CFAP97: variants seen among roughly 807,000 people sequenced by gnomAD.
CFAP97 encodes cilia and flagella associated protein 97, also known as cilia- and flagella-associated protein 97.
In CFAP97, 36 loss-of-function variants were observed where a neutral mutation model predicts 43.1. The ratio of observed to expected loss-of-function variants is 0.84; its 90% CI spans 0.64 to 1.10. The LOEUF is 1.10. CFAP97 is among the 50% of genes least tolerant of loss of function. The probability of loss-of-function intolerance (pLI) is 0.00; values close to 1 mark genes in which losing one functional copy is unlikely to be tolerated. For synonymous variants in CFAP97, 228 were observed against 225.7 expected (o/e 1.01, Z -0.09); for missense variants, 657 against 620.3 (o/e 1.06, Z -0.63).
At chr4:185,207,053 G>A (rs1737217443), upstream of CFAP97, among the ~76,000 whole-genome samples, 1 of 152,124 alleles carries the variant, frequency 6.6e-6, no homozygotes, top group Non-Finnish European at 1.5e-5. Flanking sequence ...CTGGGCCACA[G>A]CTGATTGGAC....
chr4:185,188,437 G>A (rs149496713), intron 2 of CFAP97, among the ~76,000 whole-genome samples: 13 of 151,666 alleles, frequency 8.6e-5, no homozygotes, highest in African/African-American at 2.9e-4. Flanking sequence ...CCGCCTCCCA[G>A]GCTCAAGCAA....
At position 185,160,660 on chromosome 4, in the gene CFAP97, A is replaced by C. The variant is rs1734842701; in HGVS notation, c.*2138T>G. 1 of 116,432 alleles carries C rather than the reference A, an allele frequency of 8.6e-6. No individual in the cohort carries two copies. Among genetic ancestry groups the C allele is most frequent in the Non-Finnish European group, 1.9e-5 (1 of 53,028 alleles). 7.2% of individuals were successfully genotyped at this position (116,432 alleles called of 1,614,324 possible). ...CCTGTTATCAGTAATACTTAGATGA[A>C]CCTCCCCTTTCAAAGTAGTAAAAAC... is the stretch of plus-strand genomic sequence containing the variant. On this transcript the variant is annotated 3_prime_UTR_variant, in exon 5 of 5. Transcript: ENST00000458385.
chr4:185,172,872 G>C (rs1290542942), intron 3 of CFAP97, among the ~76,000 whole-genome samples: 1 of 129,244 alleles, frequency 7.7e-6, no homozygotes, highest in Non-Finnish European at 1.6e-5. Context: ...AAAAAAAAAA[G>C]CATTGGCTCA....
intron 1 of CFAP97, among the ~76,000 whole-genome samples, chr4:185,198,789 C>CAAAA (rs58603330): frequency 8.0e-6 from 1 of 124,320 alleles, no homozygotes; most frequent in African/African-American, 2.9e-5. Context: ...AACTCCATCT[C>CAAAA]AAAAAAAAGA....
Position 185,190,875 on chromosome 4 carries a change from T to C in CFAP97, c.322A>G (p.Thr108Ala), listed in dbSNP as rs776499709. ...SRSKKLCDVTTGLKIHVSIPN... is the reference protein window; with the variant it reads ...SRSKKLCDVTAGLKIHVSIPN... ...ATGGACACGTGTATTTTAAGTCCTG[T>C]TGTAACATCACACAATTTTTTTGAT... The change falls in exon 2 of 5, where the codon ACA becomes GCA. Residue 108 changes from threonine (T) to alanine (A), a missense_variant. Physicochemically the swap from Thr to Ala is moderately conservative, Grantham distance 58. Transcript: ENST00000458385. The C allele has an allele frequency of 6.2e-7, 1 of 1,612,786 alleles. No homozygotes were observed. The highest frequency in any genetic ancestry group is 8.5e-7 in the Non-Finnish European group (1 of 1,179,284).
intron 1 of CFAP97, among the ~76,000 whole-genome samples, chr4:185,196,983 C>T (rs1459575672): frequency 1.3e-5 from 2 of 151,654 alleles, no homozygotes; most frequent in East Asian, 3.9e-4. Flanking sequence ...CCTGTAATCC[C>T]AGCTACTCAA....
At chr4:185,178,596 T>C (rs769395046) in intron 2 of CFAP97, among the ~76,000 whole-genome samples, 9 of 152,120 alleles carry the variant, frequency 5.9e-5, no homozygotes, top group Non-Finnish European at 1.0e-4. Context: ...TCTAGGATGA[T>C]GGAAATGTTC....
chr4:185,178,226 C>T (rs1579241815), intron 2 of CFAP97, among the ~76,000 whole-genome samples: 1 of 149,166 alleles, frequency 6.7e-6, no homozygotes, highest in African/African-American at 2.5e-5. Flanking sequence ...CTATTTTCCC[C>T]TAACGGTTTT....
At chr4:185,204,182 C>T (rs1178768568), upstream of CFAP97, 1 of 152,126 alleles carries the variant, frequency 6.6e-6, no homozygotes, top group Non-Finnish European at 1.5e-5. Flanking sequence ...AGAAGAGCCG[C>T]GGAAGAAGGC....
chr4:185,208,715 C>G (rs533915341), upstream of CFAP97, among the ~76,000 whole-genome samples: 11 of 151,354 alleles, frequency 7.3e-5, no homozygotes, highest in Admixed American at 3.9e-4. Context: ...GCAACAGAGA[C>G]TCCGTCTCAA....
chr4:185,200,469 G>A (rs148085237), intron 1 of CFAP97, among the ~76,000 whole-genome samples: 4,521 of 152,234 alleles, frequency 0.03, 100 homozygotes, highest in Middle Eastern at 0.071. Context: ...GTGAATCTCC[G>A]TCTCTACTAA....
At chr4:185,190,110 A>T in intron 2 of CFAP97, 33 bp downstream of exon 2, 1 of 1,469,218 alleles carries the variant, frequency 6.8e-7, no homozygotes, top group Non-Finnish European at 9.2e-7. Flanking sequence ...TATAATATTT[A>T]AACACACATT....
chr4:185,175,865 G>T lies in CFAP97; in HGVS notation c.1241C>A (p.Ser414Ter), dbSNP rs764958265. 6.2e-7 allele frequency: 1 copy of T among 1,613,814 alleles called. No individual in the cohort carries two copies. Among genetic ancestry groups the T allele is most frequent in the South Asian group, 1.1e-5 (1 of 91,064 alleles). The change falls in exon 3 of 5, where the codon TCG becomes TAG. Residue 414 changes from serine to a stop codon, truncating the protein, a stop_gained. Coordinates refer to ENST00000458385, the MANE Select transcript of CFAP97 (RefSeq NM_020827.3). LOFTEE classifies it high-confidence loss of function. Reference protein sequence around the residue: ...KPGSKSTIPRSADHPPKLYHS... With the variant: ...KPGSKSTIPR ...ATATAACTTTGGGGGATGATCAGCC[G>T]ATCTAGGAATTGTACTTTTGCTTCC...
At chr4:185,186,389 C>T (rs1014154187) in intron 2 of CFAP97, among the ~76,000 whole-genome samples, 6 of 152,172 alleles carry the variant, frequency 3.9e-5, no homozygotes, top group East Asian at 1.9e-4. Flanking sequence ...GCCAAGCTCG[C>T]GCCACTGCAC....
intron 3 of CFAP97, among the ~76,000 whole-genome samples, chr4:185,174,635 C>G (rs557444221): frequency 6.6e-6 from 1 of 152,264 alleles, no homozygotes; most frequent in Non-Finnish European, 1.5e-5. Context: ...TTTACGTGTT[C>G]ATTAAGGGTC....
chr4:185,209,930 C>T (rs1737469601), upstream of CFAP97: 1 of 983,450 alleles, frequency 1.0e-6, no homozygotes, highest in Non-Finnish European at 1.2e-6. The surrounding 1 kb of genome is among the most constrained non-coding windows in gnomAD (Gnocchi z 5.2). Context: ...GAGCGGCGGC[C>T]GGAGTCCCCG....
chr4:185,196,894 G>A (rs1736571913), intron 1 of CFAP97, among the ~76,000 whole-genome samples: 1 of 152,044 alleles, frequency 6.6e-6, no homozygotes, highest in Non-Finnish European at 1.5e-5. Context: ...GAGGTCAGGA[G>A]TTCAAAACCA....
chr4:185,172,610 G>A (rs975466760), intron 3 of CFAP97, among the ~76,000 whole-genome samples: 2 of 152,154 alleles, frequency 1.3e-5, no homozygotes, highest in Non-Finnish European at 2.9e-5. Context: ...ATAAAGGAAT[G>A]AATTCTGTTT....
intron 1 of CFAP97, among the ~76,000 whole-genome samples, chr4:185,195,227 G>A (rs889125243): frequency 6.6e-6 from 1 of 152,222 alleles, no homozygotes; most frequent in Non-Finnish European, 1.5e-5. Context: ...CATGGCTCAT[G>A]ACTGTAATCT....
Sources: gnomAD v4.1 joint callset for allele counts (sites outside exome capture counted in the v4.1 genomes callset) on GRCh38, gnomAD v4.1.1 for gene constraint, Gnocchi (gnomAD v3.1) non-coding constraint, MANE v1.5 for transcripts, NCBI Gene and HGNC (gene_info 2026-07-23, HGNC 2026-07-21) for gene names.